The following STK10 variants were observed in gnomAD, a reference collection of about 807,000 sequenced individuals.
STK10 encodes serine/threonine kinase 10, also known as serine/threonine-protein kinase 10.
A neutral mutation model predicts 113.8 loss-of-function variants in STK10; 78 were observed. The observed-to-expected ratio is 0.69, with a 90% CI of 0.57 to 0.83. The LOEUF (loss-of-function observed/expected upper bound fraction) is 0.83, where lower values mean the gene tolerates loss of function less well. STK10 is among the 40% of genes least tolerant of loss of function. The pLI, the probability that STK10 is intolerant of heterozygous loss-of-function variation, is 0.00. For synonymous variants in STK10, 465 were observed against 494.7 expected (o/e 0.94, Z 0.80); for missense variants, 1,109 against 1,280.1 (o/e 0.87, Z 2.04).
At chr5:172,109,565 C>T (rs1018107219) in intron 4 of STK10, among the ~76,000 whole-genome samples, 1 of 151,996 alleles carries the variant, frequency 6.6e-6, no homozygotes, top group Non-Finnish European at 1.5e-5. Context: ...CCTTGGCCTC[C>T]GAAAGTGCTA....
intron 1 of STK10, among the ~76,000 whole-genome samples, chr5:172,173,493 A>G (rs1474254005): frequency 2.0e-5 from 3 of 152,220 alleles, no homozygotes; most frequent in Non-Finnish European, 1.5e-5. Context: ...TTCTTTCTCC[A>G]GGGCACAAAT....
intron 1 of STK10, among the ~76,000 whole-genome samples, chr5:172,172,100 G>C (rs765846145): frequency 3.3e-5 from 5 of 152,182 alleles, no homozygotes; most frequent in Non-Finnish European, 7.3e-5. Context: ...TGAGGCAGGA[G>C]AATCTCTTGA....
At chr5:172,121,505 A>G (rs1194380623) in intron 3 of STK10, among the ~76,000 whole-genome samples, 4 of 150,350 alleles carry the variant, frequency 2.7e-5, no homozygotes, top group Non-Finnish European at 5.9e-5. Context: ...ACACTCAGCT[A>G]GTTTATAAAA....
Position 172,093,903 on chromosome 5 carries a change from C to A in STK10, c.1063G>T (p.Asp355Tyr). The A allele has an allele frequency of 6.5e-7, 1 of 1,543,590 alleles. No individual in the cohort carries two copies. Among genetic ancestry groups the A allele is most frequent in the Non-Finnish European group, 8.8e-7 (1 of 1,142,592 alleles). ...SEVSPPSLNA[D>Y]KPLEESPSTP... ...GAAGGTGACTCCTCGAGAGGCTTGTCAGCATTGAGGCTTGGCGGACTCACC... is the reference window on the plus strand; with the variant it reads ...GAAGGTGACTCCTCGAGAGGCTTGTAAGCATTGAGGCTTGGCGGACTCACC... The change falls in exon 9 of 19, where the codon GAC (aspartate) becomes TAC (tyrosine). Residue 355 changes from aspartate (D) to tyrosine (Y), a missense_variant. Around this residue, in one of 5 missense-constraint regions of STK10, gnomAD observed 885 missense variants for 991.1 expected, o/e 0.89. Coordinates refer to ENST00000176763, the MANE Select transcript of STK10 (RefSeq NM_005990.4). The surrounding 1 kb of genome is among the most constrained non-coding windows in gnomAD (Gnocchi z 4.1).
chr5:172,090,198 T>C, intron 10 of STK10, 34 bp downstream of exon 10: 1 of 1,611,952 alleles, frequency 6.2e-7, no homozygotes, highest in Non-Finnish European at 8.5e-7. Flanking sequence ...AGCCCCACCC[T>C]GTTACCACCA....
intron 13 of STK10, chr5:172,063,396 G>T (rs940074745): frequency 6.6e-6 from 1 of 152,102 alleles, no homozygotes; most frequent in African/African-American, 2.4e-5. Flanking sequence ...AAACAACAGG[G>T]TGTCTCTAGG....
At chr5:172,054,898 G>A (rs1251026773) in intron 16 of STK10, among the ~76,000 whole-genome samples, 1 of 152,234 alleles carries the variant, frequency 6.6e-6, no homozygotes, top group Non-Finnish European at 1.5e-5. Flanking sequence ...GAGCCCCCAG[G>A]CTGGTGGGGA....
intron 10 of STK10, among the ~76,000 whole-genome samples, chr5:172,086,625 G>C (rs1019057030): frequency 3.9e-5 from 6 of 152,216 alleles, no homozygotes; most frequent in African/African-American, 1.4e-4. Context: ...ACATGGTTCA[G>C]ATGCCTAGGT....
intron 15 of STK10, among the ~76,000 whole-genome samples, chr5:172,056,348 A>G (rs1041381625): frequency 6.6e-6 from 1 of 152,182 alleles, no homozygotes; most frequent in African/African-American, 2.4e-5. Flanking sequence ...TCACTGTCCC[A>G]CTATGGAGGC....
chr5:172,088,724 C>A (rs997819369), intron 10 of STK10, among the ~76,000 whole-genome samples: 1 of 152,078 alleles, frequency 6.6e-6, no homozygotes, highest in Admixed American at 6.6e-5. Context: ...CCAGTGAAAC[C>A]TGAAGGAATT....
At position 172,044,695 on chromosome 5, in the gene STK10, G is replaced by A; in HGVS notation, c.*187C>T. 2 of 855,758 alleles carry A rather than the reference G, an allele frequency of 2.3e-6. No individual in the cohort carries two copies. The highest frequency in any genetic ancestry group is 3.7e-6 in the Non-Finnish European group (2 of 547,910). 53.0% of individuals were successfully genotyped at this position (855,758 alleles called of 1,614,324 possible). ...AATAATTACACCTCACCCTCCACAG[G>A]CCAGCAAGAAGTCAGGAACGCTGGG... On this transcript the variant is annotated 3_prime_UTR_variant, in exon 19 of 19. Transcript: ENST00000176763. This position sits in a 1 kb window ranked among gnomAD's most constrained non-coding sequence, Gnocchi z 4.5.
chr5:172,159,255 C>T (rs797015824), intron 1 of STK10, among the ~76,000 whole-genome samples: 9 of 152,302 alleles, frequency 5.9e-5, no homozygotes, highest in African/African-American at 2.2e-4. Context: ...AACAAGTACA[C>T]ATGGCCAGGC....
At chr5:172,054,452 C>G in intron 17 of STK10, 117 bp downstream of exon 17, 1 of 1,450,150 alleles carries the variant, frequency 6.9e-7, no homozygotes, top group Non-Finnish European at 9.3e-7. Flanking sequence ...CCATCCATCC[C>G]GGGCGTGTCT....
At chr5:172,172,852 T>G (rs1770685925) in intron 1 of STK10, among the ~76,000 whole-genome samples, 1 of 151,944 alleles carries the variant, frequency 6.6e-6, no homozygotes, top group Admixed American at 6.6e-5. Flanking sequence ...TGGTAGCACG[T>G]GCCTGTAATT....
At chr5:172,060,497 C>T (rs916942857) in intron 14 of STK10, among the ~76,000 whole-genome samples, 2 of 152,212 alleles carry the variant, frequency 1.3e-5, no homozygotes, top group Admixed American at 1.3e-4. Context: ...CTCCCTTCCA[C>T]TATGTGAGGA....
At chr5:172,073,104 C>A (rs113439715) in intron 12 of STK10, among the ~76,000 whole-genome samples, 1 of 151,760 alleles carries the variant, frequency 6.6e-6, no homozygotes, top group Admixed American at 6.6e-5. Flanking sequence ...GCTTCCCAAG[C>A]AGCTGGGATT....
chr5:172,090,187 T>C (rs370682027), intron 10 of STK10, 45 bp downstream of exon 10: 11 of 1,608,436 alleles, frequency 6.8e-6, no homozygotes, highest in African/African-American at 4.0e-5. Context: ...CCTCTTACCA[T>C]AGCCCCACCC....
chr5:172,160,503 C>T (rs938375553), intron 1 of STK10, among the ~76,000 whole-genome samples: 3 of 151,884 alleles, frequency 2.0e-5, no homozygotes, highest in Non-Finnish European at 4.4e-5. Flanking sequence ...TAAAAGCACG[C>T]TGCTCATCTG....
At chr5:172,142,730 T>C (rs562453985) in intron 2 of STK10, among the ~76,000 whole-genome samples, 8 of 152,316 alleles carry the variant, frequency 5.3e-5, no homozygotes. Context: ...TTATCGAGTA[T>C]TACCAGCACT....
Sources: gnomAD v4.1 joint callset for allele counts (sites outside exome capture counted in the v4.1 genomes callset) on GRCh38, gnomAD v4.1.1 for gene constraint, gnomAD v4.1.1 regional missense constraint, Gnocchi (gnomAD v3.1) non-coding constraint, MANE v1.5 for transcripts, NCBI Gene and HGNC (gene_info 2026-07-23, HGNC 2026-07-21) for gene names.